The following AFF2 variants were observed in gnomAD, a reference collection of about 807,000 sequenced individuals.
The protein encoded by AFF2 is ALF transcription elongation factor 2, also known as AF4/FMR2 family member 2.
AFF2 carries 14 observed loss-of-function variants against 76.9 expected under a neutral mutation model. The ratio of observed to expected loss-of-function variants is 0.18; its 90% CI spans 0.12 to 0.28. The LOEUF is 0.28. Among genes scored for constraint, AFF2 ranks in the 10% least tolerant of loss-of-function variants. The pLI is 1.00. For missense variants in AFF2, 868 were observed against 1,001.1 expected (o/e 0.87, Z 1.79); for synonymous variants, 398 against 366.7 (o/e 1.09, Z -0.98).
At chrX:148,711,996 G>A (rs1039018738) in intron 3 of AFF2, among the ~76,000 whole-genome samples, 60 of 111,595 alleles carry the variant, frequency 5.4e-4, no homozygotes, top group Admixed American at 2.7e-3. Context: ...TGGTGGTGGT[G>A]GTTGCTCATC....
chrX:148,572,816 T>A (rs782257917), intron 1 of AFF2, among the ~76,000 whole-genome samples: 68 of 111,490 alleles, frequency 6.1e-4, no homozygotes, highest in Admixed American at 1.3e-3. Context: ...ATAAAAATGT[T>A]CTGGAATTAG....
chrX:148,845,214 C>T, intron 7 of AFF2, among the ~76,000 whole-genome samples: 1 of 110,725 alleles, frequency 9.0e-6, no homozygotes, highest in Non-Finnish European at 1.9e-5. Flanking sequence ...AATAGATTTT[C>T]CTATGTAAAA....
chrX:148,633,835 C>T (rs1489075842), intron 1 of AFF2, among the ~76,000 whole-genome samples: 1 of 112,655 alleles, frequency 8.9e-6, no homozygotes, highest in Non-Finnish European at 1.9e-5. Flanking sequence ...TGTTCAGCCT[C>T]CTGTTTACAA....
At chrX:148,575,823 A>C (rs1026535790) in intron 1 of AFF2, among the ~76,000 whole-genome samples, 1 of 108,127 alleles carries the variant, frequency 9.2e-6, no homozygotes, top group Admixed American at 1.0e-4. Flanking sequence ...TAAATTATAT[A>C]ATAAAATAGA....
intron 1 of AFF2, among the ~76,000 whole-genome samples, chrX:148,639,753 G>T (rs1557254393): frequency 8.9e-6 from 1 of 112,022 alleles, no homozygotes; most frequent in East Asian, 2.8e-4. Context: ...CTCAAATTGA[G>T]TCCAAAAGAA....
At chrX:148,643,511 C>T (rs1557254993) in intron 1 of AFF2, among the ~76,000 whole-genome samples, 1 of 111,404 alleles carries the variant, frequency 9.0e-6, no homozygotes, top group East Asian at 2.8e-4. Context: ...AGTGAAGCCT[C>T]GTTTTTAATT....
chrX:148,934,159 A>G (rs1557284740), intron 9 of AFF2, among the ~76,000 whole-genome samples: 1 of 112,734 alleles, frequency 8.9e-6, no homozygotes, highest in East Asian at 2.8e-4. Context: ...GTGGTTGATC[A>G]CCAGTCAGCT....
chrX:148,519,409 G>A (rs1011442641), intron 1 of AFF2, among the ~76,000 whole-genome samples: 12 of 112,191 alleles, frequency 1.1e-4, no homozygotes, highest in Non-Finnish European at 2.1e-4. Flanking sequence ...CACATTCTTC[G>A]TGAAATCACT....
At chrX:148,878,751 C>T (rs1475626175) in intron 7 of AFF2, among the ~76,000 whole-genome samples, 1 of 111,986 alleles carries the variant, frequency 8.9e-6, no homozygotes, top group Non-Finnish European at 1.9e-5. Context: ...GAGTTATGGT[C>T]TTCTCTGGGG....
At chrX:148,903,594 C>A (rs2071377373) in intron 8 of AFF2, among the ~76,000 whole-genome samples, 1 of 112,102 alleles carries the variant, frequency 8.9e-6, no homozygotes, top group Non-Finnish European at 1.9e-5. Context: ...CCGAGAGGCC[C>A]AGAGATTTCC....
intron 1 of AFF2, among the ~76,000 whole-genome samples, chrX:148,611,435 G>A (rs2053731679): frequency 8.9e-6 from 1 of 112,053 alleles, no homozygotes; most frequent in African/African-American, 3.2e-5. Flanking sequence ...CACACACTTA[G>A]TGGCTTAACA....
intron 1 of AFF2, among the ~76,000 whole-genome samples, chrX:148,508,138 C>T (rs546849016): frequency 1.3e-4 from 14 of 111,978 alleles, no homozygotes; most frequent in African/African-American, 4.2e-4. Flanking sequence ...TCCAATGCTT[C>T]GTTTGTTGGA....
At chrX:148,741,807 C>T (rs1425832786) in intron 3 of AFF2, among the ~76,000 whole-genome samples, 1 of 111,602 alleles carries the variant, frequency 9.0e-6, no homozygotes, top group Non-Finnish European at 1.9e-5. Flanking sequence ...AGCGAGCTCT[C>T]AGGACCTTTC....
At chrX:148,827,341 G>A (rs782355400) in intron 4 of AFF2, among the ~76,000 whole-genome samples, 3 of 111,771 alleles carry the variant, frequency 2.7e-5, no homozygotes, top group African/African-American at 9.7e-5. Context: ...TTTTCTTAAC[G>A]TGATAAGTGT....
At chrX:148,969,941 C>T (rs73614079) in intron 15 of AFF2, among the ~76,000 whole-genome samples, 1,420 of 111,503 alleles carry the variant, frequency 0.013, 21 homozygotes, top group African/African-American at 0.044. Context: ...GCACTATAGT[C>T]ATGTAATTTT....
At chrX:148,867,808 C>T (rs1178239557) in intron 7 of AFF2, among the ~76,000 whole-genome samples, 1 of 111,633 alleles carries the variant, frequency 9.0e-6, no homozygotes, top group Admixed American at 9.5e-5. Flanking sequence ...CTTCTATTCA[C>T]TTCTCAAGAT....
At chrX:148,966,357 C>G (rs1371416617) in intron 13 of AFF2, among the ~76,000 whole-genome samples, 2 of 111,236 alleles carry the variant, frequency 1.8e-5, no homozygotes, top group Admixed American at 9.5e-5. Flanking sequence ...GGTTGGTTCC[C>G]TTATCAAAAA....
intron 9 of AFF2, among the ~76,000 whole-genome samples, chrX:148,921,214 TATA>T (rs2071591962): frequency 8.9e-6 from 1 of 112,301 alleles, no homozygotes; most frequent in Admixed American, 9.4e-5. Flanking sequence ...ATGGTAGACA[TATA>T]AAGTGGGGAT....
chrX:148,610,126 A>T, intron 1 of AFF2, among the ~76,000 whole-genome samples: 1 of 111,716 alleles, frequency 9.0e-6, no homozygotes, highest in Middle Eastern at 4.6e-3. Flanking sequence ...ATGTGAAGAG[A>T]GAGAGGGGGG....
Sources: allele counts gnomAD v4.1 joint callset (sites outside exome capture counted in the v4.1 genomes callset), GRCh38; gene constraint gnomAD v4.1.1; transcripts MANE v1.5; gene names NCBI Gene and HGNC (gene_info 2026-07-23, HGNC 2026-07-21).